The following ABHD17C variants were observed in gnomAD, a reference collection of about 807,000 sequenced individuals.
ABHD17C encodes the protein abhydrolase domain containing 17C, depalmitoylase, also known as alpha/beta hydrolase domain-containing protein 17C.
A neutral mutation model predicts 27.9 loss-of-function variants in ABHD17C; 11 were observed. The ratio of observed to expected loss-of-function variants is 0.39; its 90% CI spans 0.25 to 0.65. The LOEUF (loss-of-function observed/expected upper bound fraction) is 0.65, where lower values mean the gene tolerates loss of function less well. Among genes scored for constraint, ABHD17C ranks in the 30% least tolerant of loss-of-function variants. The pLI is 0.45. For missense variants in ABHD17C, 280 were observed against 470.2 expected, an observed-to-expected ratio of 0.60 and a Z score of 3.74; for synonymous variants, 233 against 209.1, an observed-to-expected ratio of 1.11 and a Z score of -0.98.
chr15:80,711,774 A>C (rs1204446806), intron 1 of ABHD17C, among the ~76,000 whole-genome samples: 2 of 152,134 alleles, frequency 1.3e-5, no homozygotes, highest in Non-Finnish European at 2.9e-5. Flanking sequence ...CCATTCTTGT[A>C]TTATTTTTGA....
At chr15:80,741,583 C>G (rs141933712) in intron 1 of ABHD17C, among the ~76,000 whole-genome samples, 5 of 152,094 alleles carry the variant, frequency 3.3e-5, no homozygotes, top group Admixed American at 1.3e-4. Flanking sequence ...TGTCTCTTTT[C>G]TTATTAAGTT....
chr15:80,749,088 C>G lies in ABHD17C; in HGVS notation c.591-425C>G, dbSNP rs1056502758. Among the ~76,000 whole-genome samples, 3 of 152,048 alleles carry G rather than the reference C, an allele frequency of 2.0e-5. No individual in the cohort carries two copies. In the East Asian group the frequency reaches 5.8e-4, roughly 29 times the overall value. Reference sequence around the variant, plus strand: ...GTTAATATATTTTGTATCATGATAACTTTGCTTCGAGTTTTTAATATTGCA... The same window carrying G: ...GTTAATATATTTTGTATCATGATAAGTTTGCTTCGAGTTTTTAATATTGCA... On this transcript the variant is annotated intron_variant, in intron 1 of 2. Coordinates refer to ENST00000258884, the MANE Select transcript of ABHD17C (RefSeq NM_021214.2).
chr15:80,698,330 C>T (rs940794419), intron 1 of ABHD17C, among the ~76,000 whole-genome samples: 7 of 152,048 alleles, frequency 4.6e-5, no homozygotes, highest in Admixed American at 4.6e-4. Context: ...TCCCAAAGTG[C>T]TGGGATTACA....
chr15:80,708,674 TTCAC>T (rs1451010345), intron 1 of ABHD17C, among the ~76,000 whole-genome samples: 4 of 152,210 alleles, frequency 2.6e-5, no homozygotes, highest in African/African-American at 9.6e-5. Context: ...CGTGGTCAGC[TTCAC>T]TCACTCCTTC....
At chr15:80,727,175 C>G (rs1393929253) in intron 1 of ABHD17C, among the ~76,000 whole-genome samples, 1 of 152,180 alleles carries the variant, frequency 6.6e-6, no homozygotes. Flanking sequence ...TTTTCCGTGC[C>G]CTTGAACAGC....
At chr15:80,744,625 T>C (rs1895258103) in intron 1 of ABHD17C, among the ~76,000 whole-genome samples, 1 of 152,214 alleles carries the variant, frequency 6.6e-6, no homozygotes, top group South Asian at 2.1e-4. Flanking sequence ...CGCTGGCAGT[T>C]CGCAGCATGC....
At position 80,750,859 on chromosome 15, in the gene ABHD17C, C is replaced by G. The variant is rs563130205; in HGVS notation, c.770+1167C>G. 8.5e-5 allele frequency among the ~76,000 whole-genome samples: 13 copies of G among 152,120 alleles called. No homozygotes were observed. In the South Asian group the frequency reaches 2.7e-3, roughly 32 times the overall value. ...TTGTGGGAAGCAATGCGGGGAGTTA[C>G]CCTGGCAACAAAACTAATAGTTTTT... On this transcript the variant is annotated intron_variant, in intron 2 of 2. Coordinates refer to ENST00000258884, the MANE Select transcript of ABHD17C (RefSeq NM_021214.2).
intron 1 of ABHD17C, among the ~76,000 whole-genome samples, chr15:80,733,584 C>T (rs577300819): frequency 2.6e-5 from 4 of 152,294 alleles, no homozygotes; most frequent in African/African-American, 4.8e-5. Context: ...AGGTCATACA[C>T]GTTCTCTATC....
chr15:80,729,666 C>T (rs906198616), intron 1 of ABHD17C, among the ~76,000 whole-genome samples: 2 of 152,118 alleles, frequency 1.3e-5, no homozygotes, highest in Non-Finnish European at 2.9e-5. Flanking sequence ...AAATTGTCAA[C>T]AGGGAGTCGG....
At chr15:80,728,900 C>T (rs1895019169) in intron 1 of ABHD17C, among the ~76,000 whole-genome samples, 1 of 152,152 alleles carries the variant, frequency 6.6e-6, no homozygotes, top group Non-Finnish European at 1.5e-5. Flanking sequence ...AATGAGCCAC[C>T]ACGCCCGGCC....
At chr15:80,747,170 A>G (rs1203449030) in intron 1 of ABHD17C, among the ~76,000 whole-genome samples, 1 of 152,216 alleles carries the variant, frequency 6.6e-6, no homozygotes, top group East Asian at 1.9e-4. Context: ...CATTGTGGAA[A>G]GAACTCATCC....
chr15:80,725,588 T>C (rs1351780274), intron 1 of ABHD17C, among the ~76,000 whole-genome samples: 1 of 152,208 alleles, frequency 6.6e-6, no homozygotes, highest in African/African-American at 2.4e-5. Context: ...TCCTAACTCA[T>C]TGCAGCCGTG....
chr15:80,740,432 TG>T (rs1391502208), intron 1 of ABHD17C, among the ~76,000 whole-genome samples: 9 of 152,132 alleles, frequency 5.9e-5, no homozygotes, highest in Non-Finnish European at 1.0e-4. Flanking sequence ...ATCAACTGTC[TG>T]CCTTCCTGCC....
At chr15:80,735,796 A>G (rs979742158) in intron 1 of ABHD17C, among the ~76,000 whole-genome samples, 1 of 152,046 alleles carries the variant, frequency 6.6e-6, no homozygotes, top group African/African-American at 2.4e-5. Flanking sequence ...CCATAATATT[A>G]ATTTTGCCTA....
chr15:80,698,077 T>C (rs1402913285), intron 1 of ABHD17C, among the ~76,000 whole-genome samples: 2 of 149,546 alleles, frequency 1.3e-5, no homozygotes, highest in African/African-American at 2.5e-5. Flanking sequence ...TTTTTTTTTT[T>C]TTTTTGAGAC....
chr15:80,697,405 C>CAAAG (rs1050972650), intron 1 of ABHD17C, among the ~76,000 whole-genome samples: 4 of 152,138 alleles, frequency 2.6e-5, no homozygotes, highest in African/African-American at 9.7e-5. Context: ...TTGCTGTTGG[C>CAAAG]AAAGGTATTA....
At chr15:80,723,832 C>G (rs1894933443) in intron 1 of ABHD17C, among the ~76,000 whole-genome samples, 1 of 152,188 alleles carries the variant, frequency 6.6e-6, no homozygotes, top group Non-Finnish European at 1.5e-5. Context: ...CCTGCTGCAG[C>G]TGAGGTGAAC....
chr15:80,749,981 C>A (rs549362766), intron 2 of ABHD17C, among the ~76,000 whole-genome samples: 1 of 152,294 alleles, frequency 6.6e-6, no homozygotes, highest in South Asian at 2.1e-4. Flanking sequence ...TTTAACAGCA[C>A]CCATACATCC....
intron 1 of ABHD17C, among the ~76,000 whole-genome samples, chr15:80,700,421 A>G (rs1817508528): frequency 6.6e-6 from 1 of 152,018 alleles, no homozygotes; most frequent in Non-Finnish European, 1.5e-5. Flanking sequence ...CTTCTTTTTG[A>G]TGCTGGTGAC....
Sources: allele counts gnomAD v4.1 joint callset (sites outside exome capture counted in the v4.1 genomes callset), GRCh38; gene constraint gnomAD v4.1.1; transcripts MANE v1.5; gene names NCBI Gene and HGNC (gene_info 2026-07-23, HGNC 2026-07-21).